The following CACNA1C variants were observed in gnomAD, a reference collection of about 807,000 sequenced individuals.
CACNA1C encodes the protein voltage-dependent L-type calcium channel subunit alpha-1C.
A neutral mutation model predicts 229.0 loss-of-function variants in CACNA1C; 30 were observed. The observed-to-expected ratio is 0.13, with a 90% CI of 0.10 to 0.18. The LOEUF is 0.18. CACNA1C is among the 10% of genes least tolerant of loss of function. The probability of loss-of-function intolerance (pLI) is 1.00; values close to 1 mark genes in which losing one functional copy is unlikely to be tolerated. For synonymous variants in CACNA1C, 1,114 were observed against 1,132.5 expected (o/e 0.98, Z 0.33); for missense variants, 1,658 against 2,845.0 (o/e 0.58, Z 9.49).
At chr12:2,645,915 C>A (rs551375103) in intron 30 of CACNA1C, among the ~76,000 whole-genome samples, 2 of 152,280 alleles carry the variant, frequency 1.3e-5, no homozygotes, top group East Asian at 3.9e-4. Flanking sequence ...CAAAGTTGGT[C>A]TCTTTGGAGA....
chr12:2,484,283 G>A (rs2099688667), intron 5 of CACNA1C, among the ~76,000 whole-genome samples: 1 of 152,204 alleles, frequency 6.6e-6, no homozygotes, highest in African/African-American at 2.4e-5. Context: ...GTGGGGAAAA[G>A]CATTCCAGGT....
chr12:2,673,732 CTGTT>C (rs900819267), intron 38 of CACNA1C, among the ~76,000 whole-genome samples: 6 of 152,188 alleles, frequency 3.9e-5, no homozygotes, highest in Non-Finnish European at 7.3e-5. Context: ...GCCCACATGA[CTGTT>C]TGCTTTCTTC....
At chr12:2,092,534 T>C (rs2071683396) in intron 1 of CACNA1C, among the ~76,000 whole-genome samples, 1 of 152,162 alleles carries the variant, frequency 6.6e-6, no homozygotes, top group Non-Finnish European at 1.5e-5. Context: ...GTTTGTTCTC[T>C]TTGGGACAGG....
Position 2,664,852 on chromosome 12 carries a change from C to T in CACNA1C, c.4260C>T (p.Asp1420=). 6.2e-7 allele frequency: 1 copy of T among 1,606,696 alleles called. No homozygotes were observed. Among genetic ancestry groups the T allele is most frequent in the Non-Finnish European group, 8.5e-7 (1 of 1,175,590 alleles). ...FRCATGEAWQ[D]IMLACMPGKK... is the part of the protein sequence containing the mutation. ...GTGCCACCGGGGAGGCCTGGCAGGA[C>T]ATCATGCTGGCCTGCATGCCAGGCA... The change falls in exon 35 of 47, where the codon GAC becomes GAT. Residue 1420 remains aspartate (D), a synonymous_variant. Coordinates refer to ENST00000399655, the MANE Select transcript of CACNA1C (RefSeq NM_000719.7).
chr12:2,064,768 C>A (rs914951708), intron 1 of CACNA1C, among the ~76,000 whole-genome samples: 2 of 152,088 alleles, frequency 1.3e-5, no homozygotes, highest in Non-Finnish European at 2.9e-5. Flanking sequence ...TCTTTCCAGT[C>A]TTGGGATAGG....
chr12:2,274,801 T>G (rs2086962947), intron 3 of CACNA1C, among the ~76,000 whole-genome samples: 1 of 152,172 alleles, frequency 6.6e-6, no homozygotes, highest in South Asian at 2.1e-4. Context: ...GAGCGGGGAC[T>G]GATGGGGTTT....
At position 2,499,231 on chromosome 12, in the gene CACNA1C, T is replaced by G. The variant is rs148416718; in HGVS notation, c.1114-5611T>G. Among the ~76,000 whole-genome samples, 8 of 152,306 alleles carry G rather than the reference T, an allele frequency of 5.3e-5. No individual in the cohort carries two copies. The East Asian group carries it at 1.5e-3, about 29-fold the overall frequency. ...GATGGAGCTATTGCCCTGAGCTGAC[T>G]GGTGTTCACTGGCAGCAGCAGATCC... On this transcript the variant is annotated intron_variant, in intron 7 of 46. Transcript: ENST00000399655.
Position 2,053,396 on chromosome 12 carries a change from C to G in CACNA1C, c.-167C>G. ...TGGGGTTTGATGCCATAATGGGAAT[C>G]AGGTAATCGTCGGCGGGGAAGAAGA... On this transcript the variant is annotated 5_prime_UTR_variant, in exon 1 of 47. The change creates a new upstream start codon in the 5' untranslated region. Transcript: ENST00000399655. The surrounding 1 kb of genome is among the most constrained non-coding windows in gnomAD (Gnocchi z 5.8). The G allele has an allele frequency of 7.1e-7, 1 of 1,403,926 alleles. No homozygotes were observed. The highest frequency in any genetic ancestry group is 9.3e-7 in the Non-Finnish European group (1 of 1,076,140). 87.0% of individuals were successfully genotyped at this position (1,403,926 alleles called of 1,614,324 possible).
chr12:2,334,385 A>G (rs916306904), intron 3 of CACNA1C, among the ~76,000 whole-genome samples: 12 of 152,230 alleles, frequency 7.9e-5, no homozygotes, highest in African/African-American at 2.9e-4. Context: ...TCTAGGCTCA[A>G]AAGGACAGGA....
Position 2,189,092 on chromosome 12 carries a change from C to CAA in CACNA1C, c.477+68687_477+68688dup, listed in dbSNP as rs57559183. ...TGCGCGACAGAACGAGACTCCGTCTCAAAAAAAAAAAAAAAAAAAAAAAAA... is the reference window on the plus strand; with the variant it reads ...TGCGCGACAGAACGAGACTCCGTCTCAAAAAAAAAAAAAAAAAAAAAAAAAAA... On this transcript the variant is annotated intron_variant, in intron 3 of 46. Transcript: ENST00000399655. Among the ~76,000 whole-genome samples the CAA allele has an allele frequency of 1.6e-3, 56 of 34,362 alleles. 1 individual carries two copies. Among genetic ancestry groups the CAA allele is most frequent in the Non-Finnish European group, 2.2e-3 (29 of 13,004 alleles). 22.5% of individuals were successfully genotyped at this position (34,362 alleles called of 152,430 possible).
intron 1 of CACNA1C, among the ~76,000 whole-genome samples, chr12:2,093,550 C>T (rs1171827217): frequency 9.2e-5 from 14 of 152,190 alleles, no homozygotes; most frequent in Non-Finnish European, 7.4e-5. Flanking sequence ...TACCTGTACT[C>T]GTGTACCTGC....
At chr12:2,289,560 A>G (rs765386408) in intron 3 of CACNA1C, among the ~76,000 whole-genome samples, 116 of 152,238 alleles carry the variant, frequency 7.6e-4, no homozygotes, top group Non-Finnish European at 1.0e-3. Context: ...TCATGCCACA[A>G]ATATTTATTG....
chr12:2,007,382 T>C (rs2043650464), intron 1 of CACNA1C, among the ~76,000 whole-genome samples: 1 of 152,248 alleles, frequency 6.6e-6, no homozygotes, highest in African/African-American at 2.4e-5. Context: ...TAGGGGCCAT[T>C]GTAAAAGCTT....
At chr12:2,672,250 G>A (rs2096600779) in intron 38 of CACNA1C, 1 of 152,034 alleles carries the variant, frequency 6.6e-6, no homozygotes, top group South Asian at 2.1e-4. Context: ...CTTCTCTCTT[G>A]GAACATAAAA....
Position 2,566,045 on chromosome 12 carries a change from CTAA to C in CACNA1C, c.1509-372_1509-370del, listed in dbSNP as rs1192096266. ...GTACTGGGCCCCTCCTCCACTGTTA[CTAA>C]TAATGCTCTTATTGCTTACAACACT... On this transcript the variant is annotated intron_variant, in intron 11 of 46. Transcript: ENST00000399655. This position sits in a 1 kb window ranked among gnomAD's most constrained non-coding sequence, Gnocchi z 4.0. Among the ~76,000 whole-genome samples the C allele has an allele frequency of 3.9e-5, 6 of 152,210 alleles. No individual in the cohort carries two copies. Among genetic ancestry groups the C allele is most frequent in the African/African-American group, 1.2e-4 (5 of 41,460 alleles).
At chr12:2,037,146 G>A (rs1346497015) in intron 1 of CACNA1C, among the ~76,000 whole-genome samples, 1 of 152,186 alleles carries the variant, frequency 6.6e-6, no homozygotes, top group Non-Finnish European at 1.5e-5. Flanking sequence ...AGCTCTCTGA[G>A]CATCCTGCCT....
At chr12:2,459,026 A>T (rs1173396389) in intron 5 of CACNA1C, among the ~76,000 whole-genome samples, 1 of 123,716 alleles carries the variant, frequency 8.1e-6, no homozygotes, top group Non-Finnish European at 1.6e-5. Flanking sequence ...CTCTGTCCCC[A>T]GGCTGGAGTA....
Position 2,693,243 on chromosome 12 carries a change from C to G in CACNA1C, c.*2044C>G, listed in dbSNP as rs912196103. On this transcript the variant is annotated 3_prime_UTR_variant, in exon 47 of 47. Coordinates refer to ENST00000399655, the MANE Select transcript of CACNA1C (RefSeq NM_000719.7). The stretch of plus-strand genomic sequence containing the variant: ...GATTTGGTACTTCTCCAAGAACAGC[C>G]CTTCACTGTGAGGTGCAGGGAGGCG... 6.6e-6 allele frequency: 1 copy of G among 152,150 alleles called. No individual in the cohort carries two copies. The highest frequency in any genetic ancestry group is 6.5e-5 in the Admixed American group (1 of 15,270). 9.4% of individuals were successfully genotyped at this position (152,150 alleles called of 1,614,324 possible). A position where few individuals can be genotyped will look rare whatever the true frequency, so the allele number is the denominator to read the frequency against.
intron 30 of CACNA1C, among the ~76,000 whole-genome samples, chr12:2,643,804 A>G (rs2094020795): frequency 6.6e-6 from 1 of 151,998 alleles, no homozygotes; most frequent in Non-Finnish European, 1.5e-5. Context: ...TGCCATTCCC[A>G]GCTCTCTCTC....
Sources: gnomAD v4.1 joint callset for allele counts (sites outside exome capture counted in the v4.1 genomes callset) on GRCh38, gnomAD v4.1.1 for gene constraint, Gnocchi (gnomAD v3.1) non-coding constraint, MANE v1.5 for transcripts, NCBI Gene and HGNC (gene_info 2026-07-23, HGNC 2026-07-21) for gene names.